The following BICDL1 variants were observed in gnomAD, a reference collection of about 807,000 sequenced individuals.
The protein encoded by BICDL1 is BICD family like cargo adaptor 1, also known as BICD family-like cargo adapter 1.
In BICDL1, 20 loss-of-function variants were observed where a neutral mutation model predicts 76.8. The observed-to-expected ratio is 0.26, with a 90% CI of 0.18 to 0.38. The LOEUF is 0.38. BICDL1 is among the 10% of genes least tolerant of loss of function. BICDL1 has a pLI of 1.00. For missense variants in BICDL1, 700 were observed against 798.6 expected, an observed-to-expected ratio of 0.88 and a Z score of 1.49; for synonymous variants, 383 against 337.1, an observed-to-expected ratio of 1.14 and a Z score of -1.49.
At chr12:120,036,143 C>G (rs1206709772) in intron 2 of BICDL1, among the ~76,000 whole-genome samples, 1 of 152,198 alleles carries the variant, frequency 6.6e-6, no homozygotes, top group Non-Finnish European at 1.5e-5. Flanking sequence ...CTGCTATAAA[C>G]AGTCTTGGAC....
At chr12:120,064,113 T>G (rs115234758) in intron 3 of BICDL1, among the ~76,000 whole-genome samples, 3,162 of 152,256 alleles carry the variant, frequency 0.021, 121 homozygotes, top group African/African-American at 0.073. Flanking sequence ...AAGTCAGCAT[T>G]CACTTGTATC....
chr12:120,002,930 G>A (rs1951785292), intron 2 of BICDL1, among the ~76,000 whole-genome samples: 1 of 152,206 alleles, frequency 6.6e-6, no homozygotes, highest in Non-Finnish European at 1.5e-5. Context: ...GCTAAGGCGG[G>A]CAGATCACCT....
intron 2 of BICDL1, among the ~76,000 whole-genome samples, chr12:120,001,414 T>C (rs927230696): frequency 6.6e-6 from 1 of 151,768 alleles, no homozygotes; most frequent in Non-Finnish European, 1.5e-5. Flanking sequence ...GCCCGGCTAA[T>C]TTTTTGTATT....
chr12:119,992,818 C>T (rs1214700440), intron 1 of BICDL1: 3 of 152,284 alleles, frequency 2.0e-5, no homozygotes, highest in East Asian at 3.9e-4. Context: ...GAGTCAAACA[C>T]ATTTTCTTAC....
intron 1 of BICDL1, among the ~76,000 whole-genome samples, chr12:119,995,195 T>C (rs1951616005): frequency 6.6e-6 from 1 of 152,228 alleles, no homozygotes; most frequent in African/African-American, 2.4e-5. Context: ...ACAGTCTCCC[T>C]AGAGTTTTCT....
At chr12:120,085,222 G>A (rs1307699877) in intron 8 of BICDL1, among the ~76,000 whole-genome samples, 2 of 151,958 alleles carry the variant, frequency 1.3e-5, no homozygotes, top group Non-Finnish European at 2.9e-5. Flanking sequence ...GAGGCAGGTG[G>A]ATCACTTGAG....
At chr12:120,021,891 C>T (rs1375981728) in intron 2 of BICDL1, among the ~76,000 whole-genome samples, 1 of 147,782 alleles carries the variant, frequency 6.8e-6, no homozygotes, top group Non-Finnish European at 1.5e-5. Flanking sequence ...TGCAACAGAG[C>T]GAGGCTCTGT....
At chr12:119,994,185 C>T (rs1951588125) in intron 1 of BICDL1, among the ~76,000 whole-genome samples, 1 of 152,080 alleles carries the variant, frequency 6.6e-6, no homozygotes, top group South Asian at 2.1e-4. Flanking sequence ...TCCTCCTTCC[C>T]CAGGCCAGGC....
At chr12:120,084,415 C>T (rs1372977636) in intron 8 of BICDL1, among the ~76,000 whole-genome samples, 1 of 152,218 alleles carries the variant, frequency 6.6e-6, no homozygotes, top group South Asian at 2.1e-4. Context: ...CCAGCAGTGA[C>T]TCATGAGCCT....
At chr12:120,040,751 C>CT (rs57089775) in intron 2 of BICDL1, among the ~76,000 whole-genome samples, 5,150 of 134,248 alleles carry the variant, frequency 0.038, 162 homozygotes, top group South Asian at 0.085. Flanking sequence ...ATAGGAAATA[C>CT]TTTTTTTTTT....
chr12:119,990,411 G>A, intron 1 of BICDL1, 114 bp downstream of exon 1: 1 of 1,491,052 alleles, frequency 6.7e-7, no homozygotes, highest in Non-Finnish European at 8.9e-7. Context: ...CTACCTCGCA[G>A]AAAATCTGGA....
chr12:120,093,270 A>T lies in BICDL1; in HGVS notation c.*109A>T, dbSNP rs1875144626. ...CACCTCAGCAGCTGCCCTGCCCCTC[A>T]TGCTAGGGCCCCATGGGTCCGGGAG... On this transcript the variant is annotated 3_prime_UTR_variant, in exon 10 of 10. Coordinates refer to ENST00000548673, the MANE Select transcript of BICDL1 (RefSeq NM_001367886.1). 1 of 1,287,480 alleles carries T rather than the reference A, an allele frequency of 7.8e-7. No individual in the cohort carries two copies. The highest frequency in any genetic ancestry group is 1.5e-5 in the African/African-American group (1 of 67,810). The allele number at this position is 1,287,480 out of a possible 1,614,324, so 79.8% of individuals were successfully genotyped here. A position where few individuals can be genotyped will look rare whatever the true frequency, so the allele number is the denominator to read the frequency against.
At chr12:120,019,666 C>T (rs1299066061) in intron 2 of BICDL1, among the ~76,000 whole-genome samples, 2 of 152,044 alleles carry the variant, frequency 1.3e-5, no homozygotes, top group Non-Finnish European at 2.9e-5. Context: ...CCCAGGCTGG[C>T]TTGGAACTCC....
intron 2 of BICDL1, among the ~76,000 whole-genome samples, chr12:120,010,737 GT>G (rs200946813): frequency 1.3e-4 from 19 of 151,124 alleles, no homozygotes; most frequent in East Asian, 3.9e-4. Flanking sequence ...GGGAAAAAGT[GT>G]TTTTTTTTAT....
At chr12:119,990,580 G>T (rs920292473) in intron 1 of BICDL1, among the ~76,000 whole-genome samples, 1 of 152,326 alleles carries the variant, frequency 6.6e-6, no homozygotes, top group Non-Finnish European at 1.5e-5. Context: ...CTTACAGTAT[G>T]ACTATATAGC....
rs1951464952 is a variant in BICDL1, at chr12:119,989,462, G to GGGAGCAGCAGCA, written c.-406_-405insGAGCAGCAGCAG. Among the ~76,000 whole-genome samples the GGGAGCAGCAGCA allele has an allele frequency of 6.8e-6, 1 of 146,968 alleles. No individual in the cohort carries two copies. The highest frequency in any genetic ancestry group is 6.7e-5 in the Admixed American group (1 of 14,900). On this transcript the variant is annotated 5_prime_UTR_variant, in exon 1 of 10. Transcript: ENST00000548673. ...CGTGAGGCGCTGCCCGGCCGGCGGC[G>GGGAGCAGCAGCA]GCAGCAGCAGCAGCAGCGGCAGCGG...
At position 120,091,997 on chromosome 12, in the gene BICDL1, T is replaced by G. The variant is rs1385360809; in HGVS notation, c.1705-1003T>G. On this transcript the variant is annotated intron_variant, in intron 9 of 9. Coordinates refer to ENST00000548673, the MANE Select transcript of BICDL1 (RefSeq NM_001367886.1). ...GGGGTTTAGCCAGAAAAGCTTGGGG[T>G]CTTACCAGGATGCCGCAGAGCCTGC... is the stretch of plus-strand genomic sequence containing the variant. 6 of 985,180 alleles carry G rather than the reference T, an allele frequency of 6.1e-6. No homozygotes were observed. In the African/African-American group the frequency reaches 8.7e-5, roughly 14 times the overall value. The allele number at this position is 985,180 out of a possible 1,614,324, so 61.0% of individuals were successfully genotyped here. A position where few individuals can be genotyped will look rare whatever the true frequency, so the allele number is the denominator to read the frequency against.
In BICDL1 at chr12:120,094,113, C is replaced by A. The variant is rs1006049251; in HGVS notation, c.*952C>A. On this transcript the variant is annotated 3_prime_UTR_variant, in exon 10 of 10. Transcript: ENST00000548673. ...GGGGTGGAGGGGAGGGGGAGGCTGC[C>A]GGAAGCCTCCAGATGCTGCCTGCCT... 3 of 428,904 alleles carry A rather than the reference C, an allele frequency of 7.0e-6. No homozygotes were observed. The highest frequency in any genetic ancestry group is 4.1e-5 in the African/African-American group (2 of 49,110). 26.6% of individuals were successfully genotyped at this position (428,904 alleles called of 1,614,324 possible).
At chr12:119,998,464 AAAAT>A in intron 1 of BICDL1, 53 bp from the exon 2 acceptor site, 1 of 1,487,480 alleles carries the variant, frequency 6.7e-7, no homozygotes, top group Non-Finnish European at 9.0e-7. Flanking sequence ...GCGGAGAGAA[AAAAT>A]AAAAGGCTGT....
Sources: allele counts gnomAD v4.1 joint callset (sites outside exome capture counted in the v4.1 genomes callset), GRCh38; gene constraint gnomAD v4.1.1; transcripts MANE v1.5; gene names NCBI Gene and HGNC (gene_info 2026-07-23, HGNC 2026-07-21).